The following REXO1 variants were observed in gnomAD, a reference collection of about 807,000 sequenced individuals.
The protein encoded by REXO1 is REX1, RNA exonuclease 1 homolog.
A neutral mutation model predicts 102.6 loss-of-function variants in REXO1; 42 were observed. The ratio of observed to expected loss-of-function variants is 0.41; its 90% CI spans 0.32 to 0.53. The LOEUF (loss-of-function observed/expected upper bound fraction) is 0.53, where lower values mean the gene tolerates loss of function less well. Ranked by LOEUF, REXO1 falls within the 20% of genes least tolerant of loss-of-function variation. The pLI is 0.27. For synonymous variants in REXO1, 908 were observed against 779.1 expected (o/e 1.17, Z -2.76); for missense variants, 1,819 against 1,732.5 (o/e 1.05, Z -0.89).
Position 1,816,772 on chromosome 19 carries a change from C to T in REXO1, c.3243G>A (p.Val1081=). The change falls in exon 13 of 16, where the codon GTG becomes GTA. Residue 1081 remains valine, a synonymous_variant. Transcript: ENST00000170168. ...AAACCACGTGCACGTCCGTGTCGAC[C>T]ACCGTGACGCGCGTCAGCTCCAGGC... ...TYGLELTRVT[V]VDTDVHVVYD... The T allele has an allele frequency of 6.2e-7, 1 of 1,612,968 alleles. No homozygotes were observed. The highest frequency in any genetic ancestry group is 2.2e-5 in the East Asian group (1 of 44,848).
Position 1,816,042 on chromosome 19 carries a change from A to G in REXO1, c.*24T>C. ...CTAAGGACCAGCGGGACGGCAGGAG[A>G]GGCGGGTGGGAGGCGGGCAGGCGTC... On this transcript the variant is annotated 3_prime_UTR_variant, in exon 16 of 16. Coordinates refer to ENST00000170168, the MANE Select transcript of REXO1 (RefSeq NM_020695.4). The G allele has an allele frequency of 6.5e-7, 1 of 1,540,196 alleles. No homozygotes were observed. Among genetic ancestry groups the G allele is most frequent in the Non-Finnish European group, 8.7e-7 (1 of 1,146,932 alleles).
rs1376963416 is a variant in REXO1 at position 1,848,296 on chromosome 19, C to T, written c.63G>A (p.Gly21=). 16 of 1,231,956 alleles carry T rather than the reference C, an allele frequency of 1.3e-5. No homozygotes were observed. The highest frequency in any genetic ancestry group is 1.6e-5 in the Non-Finnish European group (16 of 981,618). 76.3% of individuals were successfully genotyped at this position (1,231,956 alleles called of 1,614,324 possible). A position where few individuals can be genotyped will look rare whatever the true frequency, so the allele number is the denominator to read the frequency against. Residue 21 remains glycine (G), a synonymous_variant, in exon 1 of 16, where the codon GGG becomes GGA. Coordinates refer to ENST00000170168, the MANE Select transcript of REXO1 (RefSeq NM_020695.4). Reference sequence around the variant, plus strand: ...GGCAGTAGGGCCGCCGGCAGGGCCCCCCGGGCGCCCCAGACCAATAGGGGC... The same window carrying T: ...GGCAGTAGGGCCGCCGGCAGGGCCCTCCGGGCGCCCCAGACCAATAGGGGC... The part of the protein sequence containing the change: ...IDCPYWSGAP[G]GPCRRPYCHF...
chr19:1,820,451 G>T, intron 5 of REXO1, 56 bp from the exon 6 acceptor site: 6 of 1,599,764 alleles, frequency 3.8e-6, no homozygotes, highest in Non-Finnish European at 5.1e-6. Context: ...CCTCCAGCGG[G>T]GAACGCAGAC....
intron 7 of REXO1, among the ~76,000 whole-genome samples, 188 bp downstream of exon 7, chr19:1,819,746 A>G (rs1302380064): frequency 8.5e-5 from 13 of 152,166 alleles, no homozygotes; most frequent in Admixed American, 8.5e-4. Flanking sequence ...CGAGGACACC[A>G]GGGCCAGGTC....
chr19:1,844,844 T>C (rs2145339688), intron 1 of REXO1, among the ~76,000 whole-genome samples: 1 of 152,214 alleles, frequency 6.6e-6, no homozygotes, highest in East Asian at 1.9e-4. Context: ...GGCGCAGCAC[T>C]AGCATCCCCT....
chr19:1,815,704 C>A lies in REXO1; in HGVS notation c.*362G>T. On this transcript the variant is annotated 3_prime_UTR_variant, in exon 16 of 16. Transcript: ENST00000170168. This position sits in a 1 kb window ranked among gnomAD's most constrained non-coding sequence, Gnocchi z 4.0. ...CTCAAACAAACCTGGGACAAGCCCG[C>A]CCCGCGACCCACGTGAGGAGCAGAG... 2.9e-6 allele frequency: 4 copies of A among 1,359,506 alleles called. No individual in the cohort carries two copies. Among genetic ancestry groups the A allele is most frequent in the Non-Finnish European group, 3.8e-6 (4 of 1,050,490 alleles). 84.2% of individuals were successfully genotyped at this position (1,359,506 alleles called of 1,614,324 possible).
In REXO1 at chr19:1,815,650, A is replaced by C; in HGVS notation, c.*416T>G. On this transcript the variant is annotated 3_prime_UTR_variant, in exon 16 of 16. Transcript: ENST00000170168. This position sits in a 1 kb window ranked among gnomAD's most constrained non-coding sequence, Gnocchi z 4.0. ...TCAGGTTTAAATTAAAAATAATAAA[A>C]ATAACAATACAAAATAAAAAAAGAC... is the stretch of plus-strand genomic sequence containing the variant. 3.4e-6 allele frequency: 4 copies of C among 1,191,046 alleles called. No individual in the cohort carries two copies. Among genetic ancestry groups the C allele is most frequent in the Non-Finnish European group, 4.2e-6 (4 of 944,222 alleles). The allele number at this position is 1,191,046 out of a possible 1,614,324, so 73.8% of individuals were successfully genotyped here. A position where few individuals can be genotyped will look rare whatever the true frequency, so the allele number is the denominator to read the frequency against.
chr19:1,817,682 A>G (rs1216151059), intron 11 of REXO1, 25 bp downstream of exon 11: 2 of 1,606,748 alleles, frequency 1.2e-6, no homozygotes, highest in Non-Finnish European at 1.7e-6. Context: ...GAACAGGCAG[A>G]GGGGACTGGG....
intron 3 of REXO1, among the ~76,000 whole-genome samples, chr19:1,825,232 G>A (rs1390281287): frequency 2.0e-5 from 3 of 149,096 alleles, no homozygotes; most frequent in African/African-American, 4.9e-5. Flanking sequence ...CCCGGGAGGC[G>A]GAAGTTGCAG....
intron 3 of REXO1, chr19:1,824,202 C>T (rs540125851): frequency 5.3e-4 from 87 of 165,014 alleles, no homozygotes; most frequent in African/African-American, 2.0e-3. Flanking sequence ...TGCACTACCT[C>T]GCCACGTCTG....
At chr19:1,847,700 CA>C (rs1271300671) in intron 1 of REXO1, among the ~76,000 whole-genome samples, 1 of 152,220 alleles carries the variant, frequency 6.6e-6, no homozygotes, top group Non-Finnish European at 1.5e-5. Context: ...TCGACAAACA[CA>C]AGAGACGATC....
chr19:1,816,019 A>G lies in REXO1; in HGVS notation c.*47T>C. On this transcript the variant is annotated 3_prime_UTR_variant, in exon 16 of 16. Coordinates refer to ENST00000170168, the MANE Select transcript of REXO1 (RefSeq NM_020695.4). Reference sequence around the variant, plus strand: ...ACTGTTTTGGAAGAGGCATGGGGCTAAGGACCAGCGGGACGGCAGGAGAGG... The same window carrying G: ...ACTGTTTTGGAAGAGGCATGGGGCTGAGGACCAGCGGGACGGCAGGAGAGG... 3 of 1,539,386 alleles carry G rather than the reference A, an allele frequency of 1.9e-6. No homozygotes were observed. Among genetic ancestry groups the G allele is most frequent in the Non-Finnish European group, 2.6e-6 (3 of 1,147,224 alleles).
rs12977403 is a variant in REXO1 at position 1,825,861 on chromosome 19, T to C, written c.1994A>G (p.His665Arg). 33 of 1,609,092 alleles carry C rather than the reference T, an allele frequency of 2.1e-5. No homozygotes were observed. In the South Asian group the frequency reaches 3.5e-4, roughly 17 times the overall value. ...TACCTCCTGGCCTTGCTTGGAAAGG[T>C]GGGAGATCCTCCTCTTCTGCCCGGG... ...LFPGQKRRIS[H>R]LSKQGQEVEP... The change falls in exon 3 of 16, where the codon CAC becomes CGC. Residue 665 changes from histidine (H) to arginine (R), a missense_variant. Coordinates refer to ENST00000170168, the MANE Select transcript of REXO1 (RefSeq NM_020695.4).
At chr19:1,819,207 A>T in intron 7 of REXO1, 76 bp from the exon 8 acceptor site, 3 of 959,586 alleles carry the variant, frequency 3.1e-6, no homozygotes, top group Non-Finnish European at 4.3e-6. Context: ...TCTCCCACCC[A>T]CCCTGCCCTC....
chr19:1,829,195 G>A (rs559443718), intron 1 of REXO1, among the ~76,000 whole-genome samples: 8 of 152,336 alleles, frequency 5.3e-5, no homozygotes, highest in African/African-American at 9.6e-5. Context: ...GAGCAGGGCC[G>A]GGGGATGGGG....
rs2069720560 is a variant in REXO1, at chr19:1,826,380, G to T, written c.1912-437C>A. Among the ~76,000 whole-genome samples, 1 of 152,010 alleles carries T rather than the reference G, an allele frequency of 6.6e-6. No homozygotes were observed. The highest frequency in any genetic ancestry group is 2.1e-4 in the South Asian group (1 of 4,798). ...GGAGAGCAAGAGCTCGCCACGCTGG[G>T]AGTAGGGAGGAGGGAGGGGAGGAGA... On this transcript the variant is annotated intron_variant, in intron 2 of 15. Transcript: ENST00000170168. The surrounding 1 kb of genome is among the most constrained non-coding windows in gnomAD (Gnocchi z 4.3).
At chr19:1,820,128 C>G in intron 6 of REXO1, 71 bp from the exon 7 acceptor site, 7 of 1,571,110 alleles carry the variant, frequency 4.5e-6, no homozygotes, top group Non-Finnish European at 6.0e-6. Context: ...GTGGGGTCGC[C>G]ATGGGGTCGG....
rs781495479 is a variant in REXO1 at position 1,848,236 on chromosome 19, C to A, written c.123G>T (p.Ala41=). ...GGGGCGCCTCTCCGCCGTCACCGGG[C>A]GCGCCGGAGCCCCGGGCCCCGCGGT... ...FRHRGARGSG[A]PGDGGEAPPA... is the part of the protein sequence containing the mutation. Residue 41 remains alanine (A), a synonymous_variant, in exon 1 of 16, where the codon GCG becomes GCT. Coordinates refer to ENST00000170168, the MANE Select transcript of REXO1 (RefSeq NM_020695.4). 2 of 1,228,566 alleles carry A rather than the reference C, an allele frequency of 1.6e-6. No individual in the cohort carries two copies. Among genetic ancestry groups the A allele is most frequent in the African/African-American group, 1.6e-5 (1 of 63,778 alleles). The allele number at this position is 1,228,566 out of a possible 1,614,324, so 76.1% of individuals were successfully genotyped here.
At chr19:1,821,723 G>T (rs773900359) in intron 4 of REXO1, 41 bp from the exon 5 acceptor site, 14 of 1,570,814 alleles carry the variant, frequency 8.9e-6, no homozygotes, top group Non-Finnish European at 1.2e-5. Context: ...GCGAGTGGCT[G>T]CCCATCACCA....
Sources: gnomAD v4.1 joint callset for allele counts (sites outside exome capture counted in the v4.1 genomes callset) on GRCh38, gnomAD v4.1.1 for gene constraint, Gnocchi (gnomAD v3.1) non-coding constraint, MANE v1.5 for transcripts, NCBI Gene and HGNC (gene_info 2026-07-23, HGNC 2026-07-21) for gene names.